The following PARP1 variants were observed in gnomAD, a reference collection of about 807,000 sequenced individuals.
PARP1 encodes poly(ADP-ribose) polymerase 1.
PARP1 carries 44 observed loss-of-function variants against 118.7 expected under a neutral mutation model. That is an observed-to-expected ratio of 0.37 (90% confidence interval 0.29 to 0.48). PARP1 has a LOEUF of 0.48. PARP1 is among the 20% of genes least tolerant of loss of function. The probability of loss-of-function intolerance (pLI) is 0.99; values close to 1 mark genes in which losing one functional copy is unlikely to be tolerated. For synonymous variants in PARP1, 492 were observed against 483.2 expected (o/e 1.02, Z -0.24); for missense variants, 1,100 against 1,272.4 (o/e 0.86, Z 2.06).
intron 13 of PARP1, among the ~76,000 whole-genome samples, chr1:226,375,444 T>C (rs1446123994): frequency 6.6e-6 from 1 of 152,152 alleles, no homozygotes; most frequent in Non-Finnish European, 1.5e-5. Flanking sequence ...CAGGAAGCTG[T>C]TCTGATTAAT....
intron 8 of PARP1, among the ~76,000 whole-genome samples, chr1:226,382,593 CA>C (rs926610528): frequency 1.1e-4 from 17 of 152,340 alleles, no homozygotes; most frequent in African/African-American, 4.1e-4. Flanking sequence ...TTAGCGTGAT[CA>C]TAGCTCAGTG....
intron 1 of PARP1, among the ~76,000 whole-genome samples, chr1:226,404,548 A>G (rs1665101152): frequency 6.6e-6 from 1 of 152,086 alleles, no homozygotes; most frequent in Non-Finnish European, 1.5e-5. Flanking sequence ...GTCTCCCCCA[A>G]CCACCGGCAC....
chr1:226,393,837 A>C (rs1432430938), intron 2 of PARP1, among the ~76,000 whole-genome samples: 2 of 152,250 alleles, frequency 1.3e-5, no homozygotes, highest in Admixed American at 1.3e-4. Flanking sequence ...CTGTGCATGT[A>C]ACTATGTAAA....
chr1:226,392,580 C>G, intron 2 of PARP1: 1 of 553,176 alleles, frequency 1.8e-6, no homozygotes, highest in South Asian at 2.1e-5. Flanking sequence ...GACATTCCAT[C>G]TCCTCCCCTT....
chr1:226,389,493 T>C (rs1253643141), intron 4 of PARP1, among the ~76,000 whole-genome samples: 1 of 152,218 alleles, frequency 6.6e-6, no homozygotes, highest in Non-Finnish European at 1.5e-5. Flanking sequence ...ACTCTGGTGA[T>C]GGGCAAATGA....
intron 17 of PARP1, chr1:226,366,384 C>A: frequency 2.9e-6 from 1 of 350,002 alleles, no homozygotes; most frequent in South Asian, 2.4e-5. Context: ...GCAATTGGCT[C>A]CTGGAAGAGA....
intron 14 of PARP1, among the ~76,000 whole-genome samples, chr1:226,371,350 A>G (rs1664379083): frequency 6.6e-6 from 1 of 152,196 alleles, no homozygotes; most frequent in Admixed American, 6.5e-5. Context: ...CCATTTCTGC[A>G]TGTCCAGCAC....
chr1:226,397,077 C>A (rs1558242534), intron 2 of PARP1, among the ~76,000 whole-genome samples: 1 of 150,734 alleles, frequency 6.6e-6, no homozygotes, highest in Non-Finnish European at 1.5e-5. Flanking sequence ...TTGTTTGAAG[C>A]CAAGAGTTTG....
chr1:226,376,860 G>A (rs1376254885), intron 13 of PARP1, among the ~76,000 whole-genome samples: 2 of 152,172 alleles, frequency 1.3e-5, no homozygotes, highest in Non-Finnish European at 2.9e-5. Context: ...CTATTCACAG[G>A]AAACTGCTCT....
chr1:226,361,611 C>T, intron 22 of PARP1, 70 bp from the exon 23 acceptor site: 3 of 1,113,492 alleles, frequency 2.7e-6, no homozygotes, highest in South Asian at 1.2e-5. Flanking sequence ...TCATCTCCCC[C>T]AGGCTGGCAG....
intron 1 of PARP1, among the ~76,000 whole-genome samples, chr1:226,406,070 T>C (rs534276460): frequency 5.2e-4 from 79 of 152,314 alleles, no homozygotes; most frequent in Admixed American, 1.3e-3. Context: ...CAAGATCTAG[T>C]ACAGCCTCTA....
chr1:226,399,811 G>T (rs1664993566), intron 2 of PARP1, among the ~76,000 whole-genome samples: 1 of 152,190 alleles, frequency 6.6e-6, no homozygotes, highest in African/African-American at 2.4e-5. Context: ...GTCTGTGTAT[G>T]TGTGGGGTGG....
chr1:226,389,243 A>G (rs377535579), intron 4 of PARP1, among the ~76,000 whole-genome samples: 2 of 152,114 alleles, frequency 1.3e-5, no homozygotes, highest in South Asian at 4.1e-4. Context: ...GGCTGCTCAC[A>G]GAGGTGGGGC....
At position 226,379,578 on chromosome 1, in the gene PARP1, T is replaced by C; in HGVS notation, c.1607A>G (p.Asp536Gly). ...TLKGGAAVDP[D>G]SGLEHSAHVL... ...TGGCAGTCCTGTTTGCTTACCAGAA[T>C]CAGGATCCACAGCTGCTCCTCCTTT... The change falls in exon 11 of 23, where the codon GAT (aspartate) becomes GGT (glycine). Residue 536 changes from aspartate to glycine, a missense_variant. By Grantham distance (94) the Asp-to-Gly change is moderately conservative. Coordinates refer to ENST00000366794, the MANE Select transcript of PARP1 (RefSeq NM_001618.4). The C allele has an allele frequency of 6.2e-7, 1 of 1,612,230 alleles. No individual in the cohort carries two copies. The highest frequency in any genetic ancestry group is 8.5e-7 in the Non-Finnish European group (1 of 1,178,464).
intron 7 of PARP1, among the ~76,000 whole-genome samples, chr1:226,383,837 C>CATCCA (rs1664666825): frequency 6.6e-6 from 1 of 152,330 alleles, no homozygotes; most frequent in East Asian, 1.9e-4. Context: ...CCCAGGTCTT[C>CATCCA]ATCCAATCAA....
At chr1:226,384,303 A>G (rs1310911373) in intron 7 of PARP1, among the ~76,000 whole-genome samples, 1 of 152,242 alleles carries the variant, frequency 6.6e-6, no homozygotes, top group Non-Finnish European at 1.5e-5. Context: ...GGTGGCAGAA[A>G]AAGGCTGCAG....
rs1184125874 is a variant in PARP1 at position 226,386,458 on chromosome 1, A to G, written c.718-16T>C. 6.8e-7 allele frequency: 1 copy of G among 1,468,132 alleles called. No homozygotes were observed. The highest frequency in any genetic ancestry group is 1.4e-5 in the African/African-American group (1 of 71,962). 90.9% of individuals were successfully genotyped at this position (1,468,132 alleles called of 1,614,324 possible). A position where few individuals can be genotyped will look rare whatever the true frequency, so the allele number is the denominator to read the frequency against. On this transcript the variant is annotated splice_polypyrimidine_tract_variant and intron_variant, in intron 5 of 22. Coordinates refer to ENST00000366794, the MANE Select transcript of PARP1 (RefSeq NM_001618.4). Reference sequence around the variant, plus strand: ...CGTTCTGAGCCTATGGACAAGACCCAGTGGCTGAGAGGCTAGCTCTTTTCA... The same window carrying G: ...CGTTCTGAGCCTATGGACAAGACCCGGTGGCTGAGAGGCTAGCTCTTTTCA...
intron 13 of PARP1, among the ~76,000 whole-genome samples, chr1:226,376,027 G>A (rs1198195637): frequency 2.6e-5 from 4 of 152,040 alleles, no homozygotes; most frequent in African/African-American, 7.2e-5. Context: ...AGTAAGGGGC[G>A]CTACCGAGTC....
intron 18 of PARP1, 92 bp from the exon 19 acceptor site, chr1:226,365,246 C>T (rs765479069): frequency 6.3e-5 from 87 of 1,381,394 alleles, no homozygotes; most frequent in Middle Eastern, 1.8e-4. Context: ...GAGAAATGAC[C>T]GGCTGTCCCT....
Sources: gnomAD v4.1 joint callset for allele counts (sites outside exome capture counted in the v4.1 genomes callset) on GRCh38, gnomAD v4.1.1 for gene constraint, MANE v1.5 for transcripts, NCBI Gene and HGNC (gene_info 2026-07-23, HGNC 2026-07-21) for gene names.